The following HDAC9 variants were observed in gnomAD, a reference collection of about 807,000 sequenced individuals.
The protein encoded by HDAC9 is MEF-2 interacting transcription repressor (MITR) protein.
A neutral mutation model predicts 139.4 loss-of-function variants in HDAC9; 41 were observed. The observed-to-expected ratio is 0.29, with a 90% confidence interval of 0.23 to 0.38. HDAC9 has a LOEUF of 0.38. HDAC9 is among the 10% of genes least tolerant of loss of function. HDAC9 has a pLI of 1.00. For missense variants in HDAC9, 1,147 were observed against 1,297.0 expected, an observed-to-expected ratio of 0.88 and a Z score of 1.78; for synonymous variants, 517 against 476.2, an observed-to-expected ratio of 1.09 and a Z score of -1.12.
At chr7:18,382,264 T>C (rs1785509845) in intron 1 of HDAC9, among the ~76,000 whole-genome samples, 1 of 152,192 alleles carries the variant, frequency 6.6e-6, no homozygotes, top group African/African-American at 2.4e-5. Flanking sequence ...CAAGCCAGAT[T>C]GAAATATCAA....
At chr7:18,192,562 T>A (rs995690986) in intron 2 of HDAC9, among the ~76,000 whole-genome samples, 5 of 152,282 alleles carry the variant, frequency 3.3e-5, no homozygotes, top group Admixed American at 1.3e-4. Context: ...AGGGGTTATA[T>A]CATTTCACTC....
intron 2 of HDAC9, among the ~76,000 whole-genome samples, chr7:18,529,778 T>C (rs1808230895): frequency 6.6e-6 from 1 of 152,202 alleles, no homozygotes; most frequent in South Asian, 2.1e-4. Flanking sequence ...TTAAAATCTT[T>C]ATTGCACCAA....
At chr7:18,924,730 G>GT (rs988791073) in intron 22 of HDAC9, among the ~76,000 whole-genome samples, 14 of 152,170 alleles carry the variant, frequency 9.2e-5, no homozygotes, top group South Asian at 8.3e-4. Flanking sequence ...TATTTTCGTT[G>GT]TTGTTTGTTT....
In HDAC9 at chr7:18,420,867, C is replaced by A. The variant is rs554643024; in HGVS notation, c.-41-75395C>A. 1.2e-4 allele frequency among the ~76,000 whole-genome samples: 18 copies of A among 152,282 alleles called. No individual in the cohort carries two copies. The South Asian group carries it at 3.7e-3, about 32-fold the overall frequency. On this transcript the variant is annotated intron_variant, in intron 1 of 3. Coordinates refer to the HDAC9 transcript ENST00000413509. Reference sequence around the variant, plus strand: ...CTTTAGATTGTGTGGTCAAGGATGGCCCCTCCAAGGACTAGCGTGTAAGCT... The same window carrying A: ...CTTTAGATTGTGTGGTCAAGGATGGACCCTCCAAGGACTAGCGTGTAAGCT...
At chr7:18,562,616 C>T (rs1365873245) in intron 2 of HDAC9, among the ~76,000 whole-genome samples, 2 of 152,148 alleles carry the variant, frequency 1.3e-5, no homozygotes, top group African/African-American at 4.8e-5. Context: ...ATCTGTACAT[C>T]TGTCCTTCTG....
At chr7:18,759,091 T>TAACTAGCG (rs1331361728) in intron 14 of HDAC9, among the ~76,000 whole-genome samples, 1 of 152,076 alleles carries the variant, frequency 6.6e-6, no homozygotes, top group Non-Finnish European at 1.5e-5. Flanking sequence ...GCCTAGAGTA[T>TAACTAGCG]AACTAGCGGA....
At position 18,330,626 on chromosome 7, in the gene HDAC9, C is replaced by A. The variant is rs959177402; in HGVS notation, c.-42+40111C>A. Reference sequence around the variant, plus strand: ...AAAAAAAAACAACCAAAAACTATTTCCCCTCTACTCCCTCCCTGTTTTCTA... The same window carrying A: ...AAAAAAAAACAACCAAAAACTATTTACCCTCTACTCCCTCCCTGTTTTCTA... On this transcript the variant is annotated intron_variant, in intron 1 of 3. Coordinates refer to the HDAC9 transcript ENST00000413509. Among the ~76,000 whole-genome samples, 11 of 151,296 alleles carry A rather than the reference C, an allele frequency of 7.3e-5. No homozygotes were observed. In the South Asian group the frequency reaches 1.7e-3, roughly 23 times the overall value.
intron 22 of HDAC9, among the ~76,000 whole-genome samples, chr7:18,882,262 C>T (rs1301052159): frequency 6.6e-6 from 1 of 151,916 alleles, no homozygotes; most frequent in African/African-American, 2.4e-5. Flanking sequence ...ATCACATATT[C>T]CTGTGTTCTA....
intron 1 of HDAC9, among the ~76,000 whole-genome samples, chr7:18,381,848 A>C (rs759296191): frequency 2.1e-4 from 32 of 152,124 alleles, no homozygotes; most frequent in Non-Finnish European, 2.4e-4. Flanking sequence ...TTAGCTTCTT[A>C]CTTTTTTTGT....
chr7:18,570,762 A>G (rs1824023017), intron 2 of HDAC9, among the ~76,000 whole-genome samples: 1 of 152,242 alleles, frequency 6.6e-6, no homozygotes, highest in South Asian at 2.1e-4. Flanking sequence ...AATGTTGTAA[A>G]GAACAAATGA....
upstream of HDAC9, among the ~76,000 whole-genome samples, chr7:18,288,276 G>C (rs1453245617): frequency 6.6e-6 from 1 of 152,184 alleles, no homozygotes; most frequent in African/African-American, 2.4e-5. Flanking sequence ...GATCTTATGA[G>C]AGAATATTAA....
intron 22 of HDAC9, among the ~76,000 whole-genome samples, chr7:18,900,687 C>T (rs1373223456): frequency 6.6e-6 from 1 of 152,182 alleles, no homozygotes; most frequent in Non-Finnish European, 1.5e-5. Flanking sequence ...GGATTCAGAA[C>T]TGCCCACCAT....
chr7:18,972,983 G>A (rs957388003), intron 24 of HDAC9, among the ~76,000 whole-genome samples: 2 of 152,078 alleles, frequency 1.3e-5, no homozygotes, highest in Non-Finnish European at 2.9e-5. Flanking sequence ...TTTTATAATT[G>A]AGCTTTTTGG....
At chr7:18,715,927 C>T (rs1034616936) in intron 12 of HDAC9, among the ~76,000 whole-genome samples, 4 of 152,156 alleles carry the variant, frequency 2.6e-5, no homozygotes, top group Non-Finnish European at 5.9e-5. Context: ...CACTAGAATT[C>T]TTCCACAGAT....
At chr7:18,801,735 A>G (rs1793306356) in intron 17 of HDAC9, among the ~76,000 whole-genome samples, 1 of 152,066 alleles carries the variant, frequency 6.6e-6, no homozygotes, top group African/African-American at 2.4e-5. Flanking sequence ...GTAACTACTG[A>G]TTCAAATTCT....
chr7:18,343,636 A>C (rs1562897585), intron 1 of HDAC9, among the ~76,000 whole-genome samples: 1 of 151,838 alleles, frequency 6.6e-6, no homozygotes, highest in African/African-American at 2.4e-5. Context: ...ATTTTTAAAA[A>C]CAGCAAAATA....
At chr7:18,983,517 G>A (rs1467182210) in intron 25 of HDAC9, among the ~76,000 whole-genome samples, 1 of 152,072 alleles carries the variant, frequency 6.6e-6, no homozygotes, top group Non-Finnish European at 1.5e-5. Flanking sequence ...TTAATTTCTT[G>A]AGGAATCTAA....
intron 1 of HDAC9, among the ~76,000 whole-genome samples, chr7:18,433,607 C>T (rs1452594263): frequency 6.6e-6 from 1 of 152,130 alleles, no homozygotes; most frequent in African/African-American, 2.4e-5. Context: ...ATCAGTAGCA[C>T]TTCTGTACAC....
At chr7:18,534,585 T>G (rs1228460453) in intron 2 of HDAC9, among the ~76,000 whole-genome samples, 5 of 152,144 alleles carry the variant, frequency 3.3e-5, no homozygotes, top group Non-Finnish European at 7.4e-5. Context: ...GAGAGAATCC[T>G]TGCGTACTAG....
Sources: gnomAD v4.1 joint callset for allele counts (sites outside exome capture counted in the v4.1 genomes callset) on GRCh38, gnomAD v4.1.1 for gene constraint, MANE v1.5 for transcripts, NCBI Gene and HGNC (gene_info 2026-07-23, HGNC 2026-07-21) for gene names.